SETBP1: variants seen among roughly 807,000 people sequenced by gnomAD.
The protein encoded by SETBP1 is SET-binding protein.
A neutral mutation model predicts 101.0 loss-of-function variants in SETBP1; 9 were observed. The ratio of observed to expected loss-of-function variants is 0.09; its 90% confidence interval spans 0.05 to 0.16. The LOEUF is 0.16. Among genes scored for constraint, SETBP1 ranks in the 10% least tolerant of loss-of-function variants. The probability of loss-of-function intolerance (pLI) is 1.00; values close to 1 mark genes in which losing one functional copy is unlikely to be tolerated. For missense variants in SETBP1, 1,858 were observed against 2,033.8 expected, an observed-to-expected ratio of 0.91 and a Z score of 1.66; for synonymous variants, 818 against 788.5, an observed-to-expected ratio of 1.04 and a Z score of -0.63.
chr18:44,979,807 A>G (rs193085923), intron 4 of SETBP1, among the ~76,000 whole-genome samples: 117 of 152,352 alleles, frequency 7.7e-4, no homozygotes, highest in African/African-American at 2.6e-3. Context: ...TCTTAACACC[A>G]TCTATTGCAC....
In SETBP1 at chr18:44,773,930, G is replaced by A. The variant is rs372312502; in HGVS notation, c.486+72098G>A. On this transcript the variant is annotated intron_variant, in intron 2 of 5. Transcript: ENST00000649279. ...TTGGCATGGCATGGTGAGGTAAAAG[G>A]CATAGCTCCTAGGTGACATGTTAAC... 1.5e-4 allele frequency among the ~76,000 whole-genome samples: 23 copies of A among 150,058 alleles called. 1 individual carries two copies. The highest frequency in any genetic ancestry group is 5.4e-4 in the African/African-American group (22 of 40,904).
intron 1 of SETBP1, among the ~76,000 whole-genome samples, chr18:44,698,113 A>C (rs1349042999): frequency 6.6e-6 from 1 of 152,212 alleles, no homozygotes. Flanking sequence ...ATGAATTCCT[A>C]AAGATTAAGG....
chr18:44,680,726 C>T (rs1377176880), upstream of SETBP1, among the ~76,000 whole-genome samples: 1 of 152,006 alleles, frequency 6.6e-6, no homozygotes, highest in Non-Finnish European at 1.5e-5. Flanking sequence ...TTGAGTTTCG[C>T]CTAATCTGAT....
At chr18:44,701,956 A>G in intron 2 of SETBP1, 124 bp downstream of exon 2, 1 of 1,085,810 alleles carries the variant, frequency 9.2e-7, no homozygotes, top group East Asian at 2.6e-5. Flanking sequence ...TTGGGGATTC[A>G]GACCCCTGCA....
intron 2 of SETBP1, among the ~76,000 whole-genome samples, chr18:44,726,627 A>G (rs539110740): frequency 1.3e-5 from 2 of 152,344 alleles, no homozygotes; most frequent in South Asian, 4.1e-4. Context: ...GCAGATTAGA[A>G]GTCATAAACT....
At chr18:44,684,018 G>T (rs1315067912) in intron 1 of SETBP1, among the ~76,000 whole-genome samples, 1 of 152,192 alleles carries the variant, frequency 6.6e-6, no homozygotes, top group Non-Finnish European at 1.5e-5. Context: ...AGAGGCTGGT[G>T]GTGGGAGCAC....
At chr18:45,039,456 CT>C (rs918889887) in intron 5 of SETBP1, among the ~76,000 whole-genome samples, 2 of 152,156 alleles carry the variant, frequency 1.3e-5, no homozygotes, top group African/African-American at 4.8e-5. Flanking sequence ...CCTACAAGTC[CT>C]TAAAACCCAG....
At chr18:44,817,042 C>T (rs906517669) in intron 2 of SETBP1, among the ~76,000 whole-genome samples, 9 of 152,262 alleles carry the variant, frequency 5.9e-5, no homozygotes, top group East Asian at 1.9e-4. Flanking sequence ...CAAGCTGGTA[C>T]GGTGCATACC....
intron 4 of SETBP1, among the ~76,000 whole-genome samples, chr18:45,029,408 A>G (rs1466758364): frequency 6.6e-6 from 1 of 152,010 alleles, no homozygotes. Context: ...TGTTTTGGTT[A>G]CTGTAGCCTT....
At chr18:44,994,214 T>C (rs1425898752) in intron 4 of SETBP1, among the ~76,000 whole-genome samples, 1 of 152,114 alleles carries the variant, frequency 6.6e-6, no homozygotes, top group African/African-American at 2.4e-5. Context: ...GTATTTTAGA[T>C]GAGAGAACAC....
rs530027903 is a variant in SETBP1 at position 44,687,898 on chromosome 18, A to G, written c.-173+6877A>G. Among the ~76,000 whole-genome samples, 9 of 152,248 alleles carry G rather than the reference A, an allele frequency of 5.9e-5. No homozygotes were observed. In the East Asian group the frequency reaches 1.7e-3, roughly 29 times the overall value. On this transcript the variant is annotated intron_variant, in intron 1 of 5. Transcript: ENST00000649279. ...CATAGCACCTGGTCTGCCCAGCCAC[A>G]TTGCAGCCTGTGTTCAATAATAGCT... is the stretch of plus-strand genomic sequence containing the variant.
At chr18:44,852,800 C>T (rs911258412) in intron 2 of SETBP1, among the ~76,000 whole-genome samples, 4 of 152,206 alleles carry the variant, frequency 2.6e-5, no homozygotes, top group African/African-American at 9.6e-5. Flanking sequence ...CCAGCTTCTC[C>T]TTCCCCTCAC....
intron 4 of SETBP1, among the ~76,000 whole-genome samples, chr18:45,012,421 G>T (rs955319867): frequency 2.0e-5 from 3 of 152,186 alleles, no homozygotes; most frequent in Non-Finnish European, 4.4e-5. Context: ...TTGCCCTGGG[G>T]TGGTGTGAGT....
At chr18:44,889,978 G>A (rs558472550) in intron 3 of SETBP1, among the ~76,000 whole-genome samples, 16 of 152,198 alleles carry the variant, frequency 1.1e-4, no homozygotes, top group East Asian at 1.9e-4. Context: ...AAAATTGTAC[G>A]TATTTATGAT....
rs141960143 is a variant in SETBP1, at chr18:44,951,773, C to T, written c.2433C>T (p.Ile811=). 31 of 1,614,040 alleles carry T rather than the reference C, an allele frequency of 1.9e-5. No individual in the cohort carries two copies. The Middle Eastern group carries it at 8.2e-4, about 43-fold the overall frequency. Residue 811 remains isoleucine (I), a synonymous_variant, in exon 4 of 6, where the codon ATC becomes ATT. Coordinates refer to ENST00000649279, the MANE Select transcript of SETBP1 (RefSeq NM_015559.3). This position sits in a 1 kb window ranked among gnomAD's most constrained non-coding sequence, Gnocchi z 7.8. Reference sequence around the variant, plus strand: ...AAACTATGCCAAATCTCCAGCCCATCAGTGCTCTTCCAACCAAAACCCAAA... The same window carrying T: ...AAACTATGCCAAATCTCCAGCCCATTAGTGCTCTTCCAACCAAAACCCAAA... ...ELKTMPNLQP[I]SALPTKTQKG...
intron 2 of SETBP1, among the ~76,000 whole-genome samples, chr18:44,800,039 C>G (rs1260797598): frequency 6.6e-6 from 1 of 152,128 alleles, no homozygotes; most frequent in South Asian, 2.1e-4. Context: ...ACAAATCATT[C>G]CCTACCAGAG....
At chr18:44,825,269 G>A (rs2072212381) in intron 2 of SETBP1, among the ~76,000 whole-genome samples, 1 of 152,218 alleles carries the variant, frequency 6.6e-6, no homozygotes, top group South Asian at 2.1e-4. Context: ...AGGACTGGGA[G>A]CTACCTGGCT....
At chr18:45,016,471 C>T (rs1019472404) in intron 4 of SETBP1, among the ~76,000 whole-genome samples, 4 of 152,116 alleles carry the variant, frequency 2.6e-5, no homozygotes, top group Non-Finnish European at 4.4e-5. Context: ...CCTGTCGCGG[C>T]GGAACCTTCT....
intron 3 of SETBP1, among the ~76,000 whole-genome samples, chr18:44,949,529 G>C (rs1192550794): frequency 6.6e-6 from 1 of 152,168 alleles, no homozygotes; most frequent in Non-Finnish European, 1.5e-5. Context: ...TTGTAAAATA[G>C]CATGTAAAAA....
Sources: allele counts gnomAD v4.1 joint callset (sites outside exome capture counted in the v4.1 genomes callset), GRCh38; gene constraint gnomAD v4.1.1; non-coding constraint Gnocchi (gnomAD v3.1); transcripts MANE v1.5; gene names NCBI Gene and HGNC (gene_info 2026-07-23, HGNC 2026-07-21).